Variants in RBPMS observed in about 807,000 individuals in gnomAD.
RBPMS encodes RNA binding protein, mRNA processing factor.
In RBPMS, 7 loss-of-function variants were observed where a neutral mutation model predicts 26.8. The observed-to-expected ratio is 0.26, with a 90% CI of 0.15 to 0.49. RBPMS has a LOEUF of 0.49. RBPMS is among the 20% of genes least tolerant of loss of function. RBPMS has a pLI of 0.98. For synonymous variants in RBPMS, 96 were observed against 93.3 expected (o/e 1.03, Z -0.17); for missense variants, 186 against 250.0 (o/e 0.74, Z 1.73).
intron 1 of RBPMS, among the ~76,000 whole-genome samples, chr8:30,418,479 G>A (rs949405805): frequency 9.9e-5 from 15 of 152,134 alleles, no homozygotes; most frequent in African/African-American, 3.4e-4. Flanking sequence ...TCATTTTCAA[G>A]TGTTCATTAG....
Position 30,549,750 on chromosome 8 carries a change from C to T in RBPMS, c.528+5126C>T, listed in dbSNP as rs66826970. On this transcript the variant is annotated intron_variant, in intron 6 of 8. Coordinates refer to ENST00000397323, the MANE Select transcript of RBPMS (RefSeq NM_001008710.3). ...GATTTCTTTCTTTCTTTCTTTCTTT[C>T]CTTTTCTTTTCTTTTCTTTTCTTCT... 7.4e-3 allele frequency among the ~76,000 whole-genome samples: 560 copies of T among 75,578 alleles called. 7 individuals carry two copies. Among genetic ancestry groups the T allele is most frequent in the Non-Finnish European group, 0.011 (372 of 33,588 alleles). 49.6% of individuals were successfully genotyped at this position (75,578 alleles called of 152,430 possible). A position where few individuals can be genotyped will look rare whatever the true frequency, so the allele number is the denominator to read the frequency against.
Position 30,510,848 on chromosome 8 carries a change from C to T in RBPMS, c.397+6412C>T, listed in dbSNP as rs1376135295. On this transcript the variant is annotated intron_variant, in intron 5 of 8. Coordinates refer to ENST00000397323, the MANE Select transcript of RBPMS (RefSeq NM_001008710.3). ...TTGGCCTCCCAAAGTTCTGGGATTA[C>T]AGGTGTGAGCCATGACTCACTTCTT... Among the ~76,000 whole-genome samples, 8 of 151,490 alleles carry T rather than the reference C, an allele frequency of 5.3e-5. No homozygotes were observed. In the South Asian group the frequency reaches 6.5e-4, roughly 12 times the overall value.
chr8:30,442,636 AGCCGG>A (rs1813231269), intron 1 of RBPMS: 2 of 152,164 alleles, frequency 1.3e-5, no homozygotes, highest in Non-Finnish European at 2.9e-5. Context: ...CGTCTGGCTG[AGCCGG>A]GCTGGTGCGC....
At chr8:30,569,708 T>TATCA (rs1828139278) in intron 8 of RBPMS, among the ~76,000 whole-genome samples, 1 of 143,860 alleles carries the variant, frequency 7.0e-6, no homozygotes, top group Non-Finnish European at 1.5e-5. Context: ...AAGATGGTGA[T>TATCA]GGTGGAGTGG....
intron 5 of RBPMS, among the ~76,000 whole-genome samples, chr8:30,511,486 A>AAATATATATATATAT (rs1821657057): frequency 4.2e-5 from 1 of 23,572 alleles, no homozygotes; most frequent in African/African-American, 1.6e-4. Flanking sequence ...AAAAAAAAAA[A>AAATATATATATATAT]ATATATATAT....
At chr8:30,446,844 C>CGT (rs1419237120) in intron 1 of RBPMS, 11 of 54,546 alleles carry the variant, frequency 2.0e-4, no homozygotes, top group East Asian at 1.1e-3. Flanking sequence ...TGTGTGTGTG[C>CGT]GCGCGCGCGC....
intron 6 of RBPMS, chr8:30,556,070 G>C (rs563916935): frequency 1.0e-6 from 1 of 985,326 alleles, no homozygotes; most frequent in Admixed American, 6.1e-5. Context: ...TGGAAGAGGA[G>C]GCAGCCGTGG....
At position 30,384,938 on chromosome 8, in the gene RBPMS, C is replaced by G; in HGVS notation, c.-155C>G. 4.5e-6 allele frequency: 2 copies of G among 439,636 alleles called. No homozygotes were observed. Among genetic ancestry groups the G allele is most frequent in the Non-Finnish European group, 7.6e-6 (2 of 262,126 alleles). 27.2% of individuals were successfully genotyped at this position (439,636 alleles called of 1,614,324 possible). ...CGGGAGCCCCAGCCCAACCCGAGCCCGACAGCCACTGCCCCGGCTCCAGCT... is the reference window on the plus strand; with the variant it reads ...CGGGAGCCCCAGCCCAACCCGAGCCGGACAGCCACTGCCCCGGCTCCAGCT... On this transcript the variant is annotated 5_prime_UTR_variant, in exon 1 of 9. Coordinates refer to ENST00000397323, the MANE Select transcript of RBPMS (RefSeq NM_001008710.3). The surrounding 1 kb of genome is among the most constrained non-coding windows in gnomAD (Gnocchi z 5.6).
intron 1 of RBPMS, among the ~76,000 whole-genome samples, chr8:30,457,649 G>C (rs1412987796): frequency 6.9e-6 from 1 of 145,268 alleles, no homozygotes; most frequent in Non-Finnish European, 1.5e-5. Context: ...CTGGAGTGCA[G>C]TGGTGCGATG....
chr8:30,472,191 T>C (rs942520361), intron 1 of RBPMS, among the ~76,000 whole-genome samples: 1 of 152,180 alleles, frequency 6.6e-6, no homozygotes, highest in East Asian at 1.9e-4. Context: ...CTGTGGTGTA[T>C]CCACACTACA....
chr8:30,529,420 T>G (rs1823958463), intron 5 of RBPMS, among the ~76,000 whole-genome samples: 1 of 152,010 alleles, frequency 6.6e-6, no homozygotes. Context: ...GAGAATCGCT[T>G]GAACCTGGGA....
chr8:30,428,903 T>C lies in RBPMS; in HGVS notation c.66+43745T>C, dbSNP rs1261924080. On this transcript the variant is annotated intron_variant, in intron 1 of 8. Transcript: ENST00000397323. ...TAGCCCCAATAAGCTGGGGAGTATG[T>C]GTGTAGTGGCGTCGCCATTTGTAGC... Among the ~76,000 whole-genome samples, 3 of 152,242 alleles carry C rather than the reference T, an allele frequency of 2.0e-5. No homozygotes were observed. The East Asian group carries it at 5.8e-4, about 29-fold the overall frequency.
At chr8:30,520,817 A>C (rs913586679) in intron 5 of RBPMS, among the ~76,000 whole-genome samples, 14 of 152,118 alleles carry the variant, frequency 9.2e-5, no homozygotes, top group African/African-American at 3.1e-4. Flanking sequence ...AATTTTTAGA[A>C]AGGAAATAGA....
chr8:30,484,806 T>C (rs1818622159), intron 4 of RBPMS, among the ~76,000 whole-genome samples: 1 of 152,200 alleles, frequency 6.6e-6, no homozygotes, highest in Non-Finnish European at 1.5e-5. Flanking sequence ...CATAAATTCC[T>C]GGCATTCAAA....
At chr8:30,411,822 T>TA (rs1210921308) in intron 1 of RBPMS, among the ~76,000 whole-genome samples, 1 of 151,438 alleles carries the variant, frequency 6.6e-6, no homozygotes, top group Admixed American at 6.6e-5. Context: ...GTCTCTACTT[T>TA]AAAAAAATGC....
At chr8:30,446,150 G>A (rs541266296) in intron 1 of RBPMS, among the ~76,000 whole-genome samples, 6 of 152,290 alleles carry the variant, frequency 3.9e-5, no homozygotes, top group African/African-American at 1.2e-4. Flanking sequence ...TTATCCTGAT[G>A]TCTGGGATAT....
At chr8:30,556,170 G>T (rs1212552752) in intron 6 of RBPMS, 1 of 985,436 alleles carries the variant, frequency 1.0e-6, no homozygotes, top group Non-Finnish European at 1.2e-6. Flanking sequence ...TCAGGGGTCT[G>T]TGTGTCCGCC....
chr8:30,509,794 G>A (rs1411961345), intron 5 of RBPMS, among the ~76,000 whole-genome samples: 3 of 152,144 alleles, frequency 2.0e-5, no homozygotes, highest in Admixed American at 1.3e-4. Flanking sequence ...AAAGTTGCAG[G>A]TGTTCTGAGG....
chr8:30,541,193 GACTGTAAGCTTC>G (rs1429403488), intron 5 of RBPMS, among the ~76,000 whole-genome samples: 4 of 152,092 alleles, frequency 2.6e-5, no homozygotes, highest in Non-Finnish European at 4.4e-5. Flanking sequence ...TGTGACCGTA[GACTGTAAGCTTC>G]ACCTTTCTGC....
Sources: gnomAD v4.1 joint callset for allele counts (sites outside exome capture counted in the v4.1 genomes callset) on GRCh38, gnomAD v4.1.1 for gene constraint, Gnocchi (gnomAD v3.1) non-coding constraint, MANE v1.5 for transcripts, NCBI Gene and HGNC (gene_info 2026-07-23, HGNC 2026-07-21) for gene names.